Variants in PTPRD observed in about 807,000 individuals in gnomAD.
PTPRD encodes receptor-type tyrosine-protein phosphatase delta.
A neutral mutation model predicts 214.5 loss-of-function variants in PTPRD; 34 were observed. That is an observed-to-expected ratio of 0.16 (90% confidence interval 0.12 to 0.21). PTPRD has a LOEUF of 0.21. Ranked by LOEUF, PTPRD falls within the 10% of genes least tolerant of loss-of-function variation. The pLI, the probability that PTPRD is intolerant of heterozygous loss-of-function variation, is 1.00. For missense variants in PTPRD, 2,545 were observed against 2,398.7 expected, an observed-to-expected ratio of 1.06 and a Z score of -1.27; for synonymous variants, 1,128 against 845.7, an observed-to-expected ratio of 1.33 and a Z score of -5.79.
chr9:8,679,147 T>C (rs1176762924), intron 12 of PTPRD, among the ~76,000 whole-genome samples: 1 of 152,166 alleles, frequency 6.6e-6, no homozygotes, highest in African/African-American at 2.4e-5. Flanking sequence ...ATTCCATCTT[T>C]AGAGGCAGAA....
At position 8,317,185 on chromosome 9, in the gene PTPRD, T is replaced by G. The variant is rs1822513671; in HGVS notation, c.*689A>C. 4.3e-6 allele frequency: 1 copy of G among 231,934 alleles called. No individual in the cohort carries two copies. The highest frequency in any genetic ancestry group is 2.2e-5 in the African/African-American group (1 of 45,226). 14.4% of individuals were successfully genotyped at this position (231,934 alleles called of 1,614,324 possible). ...GTGCAAATTTTCAAATGATTTGATA[T>G]TTCTACAGCAAGATATTACAGATAA... is the stretch of plus-strand genomic sequence containing the variant. On this transcript the variant is annotated 3_prime_UTR_variant, in exon 46 of 46. Transcript: ENST00000381196.
At position 10,482,249 on chromosome 9, in the gene PTPRD, T is replaced by C. The variant is rs1399784123; in HGVS notation, c.-600+130149A>G. ...AGCCGGGCGTGGTGGCGGGTGCCTG[T>C]AGTCCCAGCTACTGAGGAGGCTGAG... On this transcript the variant is annotated intron_variant, in intron 2 of 45. Transcript: ENST00000381196. 2.0e-5 allele frequency among the ~76,000 whole-genome samples: 3 copies of C among 151,938 alleles called. No individual in the cohort carries two copies. The East Asian group carries it at 5.8e-4, about 30-fold the overall frequency.
At chr9:8,646,198 T>A (rs1184964158) in intron 12 of PTPRD, among the ~76,000 whole-genome samples, 2 of 152,216 alleles carry the variant, frequency 1.3e-5, no homozygotes, top group South Asian at 4.1e-4. Flanking sequence ...TACTGAATGA[T>A]GCCATGATAT....
Position 8,730,588 on chromosome 9 carries a change from G to C in PTPRD, c.64+3192C>G, listed in dbSNP as rs945511262. 7.2e-5 allele frequency among the ~76,000 whole-genome samples: 11 copies of C among 152,358 alleles called. No individual in the cohort carries two copies. In the East Asian group the frequency reaches 2.1e-3, roughly 29 times the overall value. On this transcript the variant is annotated intron_variant, in intron 12 of 45. Transcript: ENST00000381196. ...TGGTCTGACAAAGAAGATGCTAACA[G>C]TAGGTTCTTGGTCTGCATTTAGTTT...
chr9:8,465,324 A>G (rs1001155917), intron 32 of PTPRD, 142 bp downstream of exon 32: 1 of 716,324 alleles, frequency 1.4e-6, no homozygotes, highest in African/African-American at 1.8e-5. Flanking sequence ...ATGTTCAAAG[A>G]GTAGGCAGCC....
At chr9:8,358,468 G>C (rs12006275) in intron 39 of PTPRD, among the ~76,000 whole-genome samples, 5,236 of 152,224 alleles carry the variant, frequency 0.034, 325 homozygotes, top group African/African-American at 0.12. Context: ...GGAATTTAGA[G>C]ATACTAACTC....
chr9:10,523,563 A>C (rs2134281741), intron 2 of PTPRD, among the ~76,000 whole-genome samples: 1 of 133,028 alleles, frequency 7.5e-6, no homozygotes, highest in East Asian at 2.3e-4. Flanking sequence ...ATATCTTTCT[A>C]ATAAAATACC....
chr9:10,011,546 A>G (rs1284071473), intron 4 of PTPRD, among the ~76,000 whole-genome samples: 1 of 151,968 alleles, frequency 6.6e-6, no homozygotes, highest in Non-Finnish European at 1.5e-5. Flanking sequence ...TAATAAATAG[A>G]CTAGCATCAA....
At chr9:10,512,828 C>G (rs2048746150) in intron 2 of PTPRD, among the ~76,000 whole-genome samples, 1 of 151,918 alleles carries the variant, frequency 6.6e-6, no homozygotes, top group South Asian at 2.1e-4. Flanking sequence ...TAAAGTATAA[C>G]TAGAGAAGAC....
chr9:9,831,270 C>T (rs1341716088), intron 5 of PTPRD, among the ~76,000 whole-genome samples: 2 of 151,964 alleles, frequency 1.3e-5, no homozygotes, highest in Non-Finnish European at 2.9e-5. Context: ...AACCTAGAGA[C>T]ATTTTTTGAC....
At chr9:8,529,896 T>A (rs896979792) in intron 14 of PTPRD, among the ~76,000 whole-genome samples, 1 of 152,176 alleles carries the variant, frequency 6.6e-6, no homozygotes, top group African/African-American at 2.4e-5. Context: ...ACCCATTAAC[T>A]CGTGATCATG....
intron 4 of PTPRD, among the ~76,000 whole-genome samples, chr9:10,031,498 GC>G (rs1006459023): frequency 3.3e-5 from 5 of 151,266 alleles, no homozygotes; most frequent in African/African-American, 9.8e-5. Flanking sequence ...GATGCTTCCT[GC>G]CCTGGAACAT....
Position 8,496,205 on chromosome 9 carries a change from C to A in PTPRD, c.2349+1037G>T, listed in dbSNP as rs71506084. On this transcript the variant is annotated intron_variant, in intron 26 of 45. Coordinates refer to ENST00000381196, the MANE Select transcript of PTPRD (RefSeq NM_002839.4). The stretch of plus-strand genomic sequence containing the variant: ...ACACACACACACACACACACACACA[C>A]ACACAAACACACACACACACACACA... Among the ~76,000 whole-genome samples the A allele has an allele frequency of 3.1e-3, 393 of 126,586 alleles. 2 individuals carry two copies. The highest frequency in any genetic ancestry group is 9.5e-3 in the African/African-American group (353 of 37,070). The allele number at this position is 126,586 out of a possible 152,430, so 83.0% of individuals were successfully genotyped here. A position where few individuals can be genotyped will look rare whatever the true frequency, so the allele number is the denominator to read the frequency against.
intron 12 of PTPRD, among the ~76,000 whole-genome samples, chr9:8,658,739 G>A (rs894769985): frequency 6.7e-5 from 10 of 149,084 alleles, no homozygotes; most frequent in African/African-American, 2.2e-4. Flanking sequence ...TTTGTATCTA[G>A]ATGGAAACAC....
chr9:10,298,034 C>T (rs964834685), intron 3 of PTPRD, among the ~76,000 whole-genome samples: 1 of 151,982 alleles, frequency 6.6e-6, no homozygotes, highest in African/African-American at 2.4e-5. Context: ...CCAAGAGTAA[C>T]AAAATATATG....
intron 2 of PTPRD, among the ~76,000 whole-genome samples, chr9:10,508,165 C>T (rs1443682815): frequency 2.0e-5 from 3 of 152,170 alleles, no homozygotes; most frequent in Non-Finnish European, 2.9e-5. Flanking sequence ...CAAAAGAAGA[C>T]GTTTATGCAG....
chr9:8,596,403 T>C (rs2094478866), intron 14 of PTPRD, among the ~76,000 whole-genome samples: 1 of 151,990 alleles, frequency 6.6e-6, no homozygotes, highest in South Asian at 2.1e-4. Flanking sequence ...ATAAAAAAGA[T>C]GCTTAATATA....
chr9:9,381,101 A>G (rs1447630443), intron 9 of PTPRD, among the ~76,000 whole-genome samples: 1 of 152,048 alleles, frequency 6.6e-6, no homozygotes, highest in African/African-American at 2.4e-5. Context: ...TTCCCTATAG[A>G]CAACATATAG....
At chr9:9,676,489 G>A (rs562044572) in intron 7 of PTPRD, among the ~76,000 whole-genome samples, 9 of 152,014 alleles carry the variant, frequency 5.9e-5, no homozygotes, top group Non-Finnish European at 1.2e-4. Context: ...GTATTCCATG[G>A]TGTATATGTG....
Sources: allele counts gnomAD v4.1 joint callset (sites outside exome capture counted in the v4.1 genomes callset), GRCh38; gene constraint gnomAD v4.1.1; transcripts MANE v1.5; gene names NCBI Gene and HGNC (gene_info 2026-07-23, HGNC 2026-07-21).